Variants in FALEC observed in about 807,000 individuals in gnomAD.
FALEC encodes focally amplified lncRNA regulator of ECM1, also known as focally amplified lncRNA on chromosome 1.
chr1:150,521,527 G>C (rs1172696406), downstream of FALEC, among the ~76,000 whole-genome samples: 1 of 152,192 alleles, frequency 6.6e-6, no homozygotes, highest in African/African-American at 2.4e-5. Context: ...TGAGATGCCT[G>C]CTCAAGTCCC....
chr1:150,529,405 T>G, the FALEC span, among the ~76,000 whole-genome samples: 3 of 152,276 alleles, frequency 2.0e-5, no homozygotes, highest in African/African-American at 7.2e-5. Flanking sequence ...CTTTTGTTCC[T>G]TTCTCAGATG....
At chr1:150,533,429 G>GTTTT in the FALEC span, among the ~76,000 whole-genome samples, 6 of 121,194 alleles carry the variant, frequency 5.0e-5, no homozygotes, top group Admixed American at 7.8e-5. Flanking sequence ...GAGAACCAGA[G>GTTTT]CTTTTTTTTT....
At chr1:150,533,651 G>T in the FALEC span, among the ~76,000 whole-genome samples, 1 of 151,972 alleles carries the variant, frequency 6.6e-6, no homozygotes, top group East Asian at 1.9e-4. Flanking sequence ...TGGCCAGGCT[G>T]GTCTCAAACT....
the FALEC span, among the ~76,000 whole-genome samples, chr1:150,535,789 G>A: frequency 6.6e-6 from 1 of 152,198 alleles, no homozygotes; most frequent in Admixed American, 6.6e-5. Context: ...ATCCACAAAA[G>A]GGCCCCAGAG....
At chr1:150,517,055 T>C (rs888263262) in intron 1 of FALEC, among the ~76,000 whole-genome samples, 4 of 152,034 alleles carry the variant, frequency 2.6e-5, no homozygotes, top group Non-Finnish European at 5.9e-5. Context: ...TCCCAGCACT[T>C]TGGGAGGTCG....
At chr1:150,528,538 GT>G in the FALEC span, among the ~76,000 whole-genome samples, 1 of 151,386 alleles carries the variant, frequency 6.6e-6, no homozygotes, top group African/African-American at 2.4e-5. Flanking sequence ...ACTCCCCACT[GT>G]CCCTGAGTGG....
At chr1:150,530,763 ATTCCC>A in the FALEC span, among the ~76,000 whole-genome samples, 1 of 152,194 alleles carries the variant, frequency 6.6e-6, no homozygotes, top group Non-Finnish European at 1.5e-5. Context: ...TCCTCAGAGT[ATTCCC>A]TTCCAAGAGT....
chr1:150,518,104 T>C (rs1670594473), downstream of FALEC: 1 of 152,184 alleles, frequency 6.6e-6, no homozygotes, highest in Non-Finnish European at 1.5e-5. Context: ...GAAGAAAATA[T>C]AGCAATAAGT....
At chr1:150,535,680 G>A in the FALEC span, among the ~76,000 whole-genome samples, 1 of 152,198 alleles carries the variant, frequency 6.6e-6, no homozygotes, top group Non-Finnish European at 1.5e-5. Context: ...CCTGACGCTT[G>A]GCATGGTCCA....
At chr1:150,532,355 A>G in the FALEC span, among the ~76,000 whole-genome samples, 3 of 152,180 alleles carry the variant, frequency 2.0e-5, no homozygotes, top group African/African-American at 7.2e-5. Flanking sequence ...GTTGGCTGTT[A>G]CACTGGAAAC....
At chr1:150,516,343 G>A (rs1455416267) in intron 1 of FALEC, among the ~76,000 whole-genome samples, 1 of 152,244 alleles carries the variant, frequency 6.6e-6, no homozygotes, top group Non-Finnish European at 1.5e-5. Context: ...AAATGCTGCA[G>A]AGAGGTGGGA....
the FALEC span, among the ~76,000 whole-genome samples, chr1:150,533,931 C>T: frequency 3.9e-5 from 6 of 152,282 alleles, no homozygotes; most frequent in East Asian, 1.9e-4. Flanking sequence ...AAGAAGGAGA[C>T]GTGTCGTGGA....
chr1:150,522,574 G>A (rs985338873), downstream of FALEC, among the ~76,000 whole-genome samples: 14 of 150,624 alleles, frequency 9.3e-5, no homozygotes, highest in Non-Finnish European at 1.9e-4. Context: ...CATGAGCCAA[G>A]ATGGCGCCAC....
the FALEC span, among the ~76,000 whole-genome samples, chr1:150,524,976 CAG>C: frequency 1.5e-5 from 2 of 133,852 alleles, no homozygotes; most frequent in Non-Finnish European, 3.1e-5. Context: ...GCCTGAACAA[CAG>C]AGTGAAACCC....
At chr1:150,527,471 C>T in the FALEC span, among the ~76,000 whole-genome samples, 1 of 151,744 alleles carries the variant, frequency 6.6e-6, no homozygotes, top group African/African-American at 2.4e-5. Context: ...GTTAGCCAGG[C>T]TGGTCTTAAG....
At chr1:150,526,079 T>C in the FALEC span, among the ~76,000 whole-genome samples, 1 of 152,184 alleles carries the variant, frequency 6.6e-6, no homozygotes, top group East Asian at 1.9e-4. Context: ...AAGTTTTTTT[T>C]TGGGCAGGTG....
downstream of FALEC, among the ~76,000 whole-genome samples, chr1:150,518,571 A>C (rs1670600931): frequency 6.6e-6 from 1 of 150,966 alleles, no homozygotes; most frequent in Non-Finnish European, 1.5e-5. Context: ...TTTTTAGTAG[A>C]GACATGGGGT....
chr1:150,522,599 G>A (rs139976528), downstream of FALEC, among the ~76,000 whole-genome samples: 2,035 of 151,156 alleles, frequency 0.013, 51 homozygotes, highest in African/African-American at 0.047. Flanking sequence ...CTCCAGCCTG[G>A]GCAGCAAAGT....
chr1:150,534,231 CA>C, the FALEC span, among the ~76,000 whole-genome samples: 1 of 152,170 alleles, frequency 6.6e-6, no homozygotes, highest in Non-Finnish European at 1.5e-5. Flanking sequence ...CCCCTGAGCC[CA>C]AGGAGGCTGC....
Sources: gnomAD v4.1 joint callset for allele counts (sites outside exome capture counted in the v4.1 genomes callset) on GRCh38, gnomAD v4.1.1 for gene constraint, MANE v1.5 for transcripts, NCBI Gene and HGNC (gene_info 2026-07-23, HGNC 2026-07-21) for gene names.